SERPINI1: variants seen among roughly 807,000 people sequenced by gnomAD.
The protein encoded by SERPINI1 is serpin family I member 1, also known as neuroserpin.
Under a neutral mutation model 41.1 loss-of-function variants are expected in SERPINI1, and 19 were observed. The ratio of observed to expected loss-of-function variants is 0.46; its 90% CI spans 0.32 to 0.68. The LOEUF is 0.68. SERPINI1 is among the 30% of genes least tolerant of loss of function. The pLI, the probability that SERPINI1 is intolerant of heterozygous loss-of-function variation, is 0.03. For missense variants in SERPINI1, 460 were observed against 479.2 expected, an observed-to-expected ratio of 0.96 and a Z score of 0.37; for synonymous variants, 138 against 156.6, an observed-to-expected ratio of 0.88 and a Z score of 0.89.
At chr3:167,804,852 A>G (rs932601040) in intron 5 of SERPINI1, among the ~76,000 whole-genome samples, 1 of 152,076 alleles carries the variant, frequency 6.6e-6, no homozygotes, top group Non-Finnish European at 1.5e-5. Context: ...CACACACACA[A>G]AAATATGTTA....
intron 6 of SERPINI1, among the ~76,000 whole-genome samples, chr3:167,819,084 C>T (rs1712225232): frequency 6.6e-6 from 1 of 152,168 alleles, no homozygotes; most frequent in Admixed American, 6.5e-5. Context: ...AATAATACAG[C>T]ATCAAATAGC....
At chr3:167,783,350 T>C (rs1191293390) in intron 1 of SERPINI1, among the ~76,000 whole-genome samples, 2 of 151,892 alleles carry the variant, frequency 1.3e-5, no homozygotes, top group African/African-American at 4.8e-5. Flanking sequence ...GAAAAAAGAG[T>C]AGGTTTGATT....
At chr3:167,740,983 G>A (rs868758382) in intron 1 of SERPINI1, among the ~76,000 whole-genome samples, 20 of 152,320 alleles carry the variant, frequency 1.3e-4, no homozygotes, top group Middle Eastern at 3.4e-3. Flanking sequence ...TCAGTGAAAA[G>A]GCTGCATTGA....
chr3:167,804,143 G>T (rs1355613062), intron 5 of SERPINI1, among the ~76,000 whole-genome samples: 1 of 152,138 alleles, frequency 6.6e-6, no homozygotes, highest in East Asian at 1.9e-4. Context: ...CCTGCTTTTG[G>T]TAGAAAACAA....
intron 6 of SERPINI1, among the ~76,000 whole-genome samples, chr3:167,808,429 T>C (rs927750327): frequency 6.6e-6 from 1 of 152,094 alleles, no homozygotes; most frequent in Non-Finnish European, 1.5e-5. Context: ...AGTAAATAAG[T>C]TATATAAGGA....
intron 6 of SERPINI1, 81 bp downstream of exon 6, chr3:167,807,422 A>G (rs915557279): frequency 2.6e-5 from 25 of 946,946 alleles, no homozygotes; most frequent in African/African-American, 2.3e-4. Context: ...TCTATTTACT[A>G]TGGAGTTCTG....
intron 1 of SERPINI1, among the ~76,000 whole-genome samples, chr3:167,749,646 G>A (rs1725981013): frequency 6.6e-6 from 1 of 152,112 alleles, no homozygotes; most frequent in Non-Finnish European, 1.5e-5. Flanking sequence ...AATTTCCACT[G>A]TAACACACCT....
Position 167,803,762 on chromosome 3 carries a change from G to C in SERPINI1, c.882-3482G>C, listed in dbSNP as rs141602253. On this transcript the variant is annotated intron_variant, in intron 5 of 8. Transcript: ENST00000446050. The stretch of plus-strand genomic sequence containing the variant: ...CTTCCTTCTCTTTCTTATTTTAAAT[G>C]GATCAGGACAACTGTAATACCACCT... Among the ~76,000 whole-genome samples, 1,063 of 152,164 alleles carry C rather than the reference G, an allele frequency of 7.0e-3. 11 individuals carry two copies. Among genetic ancestry groups the C allele is most frequent in the African/African-American group, 0.024 (1,013 of 41,526 alleles).
chr3:167,744,839 A>G (rs1297036199), intron 1 of SERPINI1, among the ~76,000 whole-genome samples: 13 of 117,974 alleles, frequency 1.1e-4, no homozygotes, highest in Admixed American at 1.9e-4. Context: ...TATATATATT[A>G]TATATAACTA....
At chr3:167,762,360 T>C (rs1454828318) in intron 1 of SERPINI1, among the ~76,000 whole-genome samples, 1 of 152,164 alleles carries the variant, frequency 6.6e-6, no homozygotes, top group Non-Finnish European at 1.5e-5. Flanking sequence ...GTGCTGTTTT[T>C]TCTCCTGTCT....
intron 6 of SERPINI1, among the ~76,000 whole-genome samples, chr3:167,820,643 G>C (rs1712286703): frequency 6.6e-6 from 1 of 152,218 alleles, no homozygotes; most frequent in East Asian, 1.9e-4. Flanking sequence ...GAGGCCAAGA[G>C]GGGGCTAAAG....
chr3:167,745,780 A>T (rs1039210869), intron 1 of SERPINI1, among the ~76,000 whole-genome samples: 2 of 152,134 alleles, frequency 1.3e-5, no homozygotes, highest in African/African-American at 4.8e-5. Context: ...GAATATCCAA[A>T]ATCAAAATTT....
chr3:167,820,655 C>T (rs1022921820), intron 6 of SERPINI1, among the ~76,000 whole-genome samples: 4 of 152,194 alleles, frequency 2.6e-5, no homozygotes, highest in Non-Finnish European at 4.4e-5. Flanking sequence ...GGGCTAAAGG[C>T]AGCTCAGTGC....
intron 7 of SERPINI1, 138 bp from the exon 8 acceptor site, chr3:167,824,335 C>A: frequency 1.6e-6 from 1 of 616,696 alleles, no homozygotes; most frequent in Non-Finnish European, 2.8e-6. Context: ...TAATTTTTCT[C>A]CAGTTAAGTC....
chr3:167,820,589 G>A (rs577090742), intron 6 of SERPINI1, among the ~76,000 whole-genome samples: 2 of 152,342 alleles, frequency 1.3e-5, no homozygotes, highest in South Asian at 4.1e-4. Context: ...ACCCCCTGCC[G>A]ACTGGGCCCC....
intron 1 of SERPINI1, among the ~76,000 whole-genome samples, chr3:167,738,807 A>G (rs1725570951): frequency 6.6e-6 from 1 of 151,064 alleles, no homozygotes; most frequent in South Asian, 2.1e-4. Flanking sequence ...GTCTGATTCC[A>G]GTCAATTGCC....
chr3:167,765,397 A>G (rs1293110981), intron 1 of SERPINI1, among the ~76,000 whole-genome samples: 1 of 152,238 alleles, frequency 6.6e-6, no homozygotes, highest in Non-Finnish European at 1.5e-5. Context: ...CTCTGAAGCC[A>G]CAGCCCAAGC....
chr3:167,752,328 C>A (rs920336924), intron 1 of SERPINI1, among the ~76,000 whole-genome samples: 1 of 152,112 alleles, frequency 6.6e-6, no homozygotes, highest in African/African-American at 2.4e-5. Flanking sequence ...TTTACCTATC[C>A]AAAGCAAAAT....
Position 167,744,799 on chromosome 3 carries a change from TATA to T in SERPINI1, c.-19+8980_-19+8982del, listed in dbSNP as rs1410824671. ...ATATATAACTATGGTTATATATATA[TATA>T]ATATATAAATATAGTTATATATATA... is the stretch of plus-strand genomic sequence containing the variant. On this transcript the variant is annotated intron_variant, in intron 1 of 8. Coordinates refer to ENST00000446050, the MANE Select transcript of SERPINI1 (RefSeq NM_001122752.2). Among the ~76,000 whole-genome samples the T allele has an allele frequency of 4.7e-5, 6 of 128,318 alleles. No homozygotes were observed. The East Asian group carries it at 6.3e-4, about 13-fold the overall frequency. The allele number at this position is 128,318 out of a possible 152,430, so 84.2% of individuals were successfully genotyped here. A position where few individuals can be genotyped will look rare whatever the true frequency, so the allele number is the denominator to read the frequency against.
Sources: allele counts gnomAD v4.1 joint callset (sites outside exome capture counted in the v4.1 genomes callset), GRCh38; gene constraint gnomAD v4.1.1; transcripts MANE v1.5; gene names NCBI Gene and HGNC (gene_info 2026-07-23, HGNC 2026-07-21).